Variants in RAPGEF5 observed in about 807,000 individuals in gnomAD.
RAPGEF5 encodes the protein Rap guanine nucleotide exchange factor 5.
Under a neutral mutation model 125.2 loss-of-function variants are expected in RAPGEF5, and 65 were observed. The observed-to-expected ratio is 0.52, with a 90% CI of 0.43 to 0.64. The LOEUF (loss-of-function observed/expected upper bound fraction) is 0.64. Among genes scored for constraint, RAPGEF5 ranks in the 30% least tolerant of loss-of-function variants. The pLI is 0.00. For synonymous variants in RAPGEF5, 391 were observed against 385.9 expected, an observed-to-expected ratio of 1.01 and a Z score of -0.16; for missense variants, 958 against 1,048.1, an observed-to-expected ratio of 0.91 and a Z score of 1.19.
chr7:22,131,552 T>C (rs1782914924), intron 23 of RAPGEF5, among the ~76,000 whole-genome samples: 1 of 152,150 alleles, frequency 6.6e-6, no homozygotes, highest in Non-Finnish European at 1.5e-5. Context: ...AACAACTAGT[T>C]AAGATATAGA....
intron 14 of RAPGEF5, among the ~76,000 whole-genome samples, chr7:22,159,976 G>A (rs1783934352): frequency 6.6e-6 from 1 of 152,014 alleles, no homozygotes; most frequent in African/African-American, 2.4e-5. Context: ...AGGTGTGGTG[G>A]TGCACCTCTG....
At chr7:22,200,311 CAG>C (rs1785247464) in intron 9 of RAPGEF5, among the ~76,000 whole-genome samples, 1 of 151,474 alleles carries the variant, frequency 6.6e-6, no homozygotes, top group Non-Finnish European at 1.5e-5. Context: ...AAAAAGTAAA[CAG>C]ATGTTTTTTA....
chr7:22,271,257 G>C (rs1280509963), intron 6 of RAPGEF5, among the ~76,000 whole-genome samples: 1 of 152,148 alleles, frequency 6.6e-6, no homozygotes, highest in Non-Finnish European at 1.5e-5. Flanking sequence ...GTGCATTGTT[G>C]TTTCCAAGAT....
intron 11 of RAPGEF5, among the ~76,000 whole-genome samples, chr7:22,181,138 C>CT (rs1389396258): frequency 6.6e-6 from 1 of 152,120 alleles, no homozygotes; most frequent in Non-Finnish European, 1.5e-5. Flanking sequence ...TCTGCTCTCT[C>CT]TTTTTTTCTT....
At chr7:22,219,196 C>G (rs1785717175) in intron 9 of RAPGEF5, among the ~76,000 whole-genome samples, 1 of 152,076 alleles carries the variant, frequency 6.6e-6, no homozygotes, top group African/African-American at 2.4e-5. Context: ...CAATGTGTGG[C>G]ACAAGAAAGT....
intron 11 of RAPGEF5, among the ~76,000 whole-genome samples, chr7:22,183,751 G>A (rs1240995177): frequency 6.6e-6 from 1 of 152,162 alleles, no homozygotes; most frequent in Non-Finnish European, 1.5e-5. Flanking sequence ...ACCGTGTGCA[G>A]GAACCTCCAG....
intron 12 of RAPGEF5, among the ~76,000 whole-genome samples, chr7:22,163,819 A>G (rs1333507983): frequency 6.6e-6 from 1 of 152,216 alleles, no homozygotes; most frequent in Admixed American, 6.5e-5. Context: ...GTTGGACAGC[A>G]TTATATATTC....
chr7:22,202,494 T>C (rs369778859), intron 9 of RAPGEF5, among the ~76,000 whole-genome samples: 12 of 152,120 alleles, frequency 7.9e-5, no homozygotes, highest in African/African-American at 7.2e-5. Context: ...TCTGGGACTT[T>C]TAGGCACTAA....
chr7:22,233,245 G>C (rs1346644311), intron 7 of RAPGEF5, among the ~76,000 whole-genome samples: 1 of 152,154 alleles, frequency 6.6e-6, no homozygotes, highest in Admixed American at 6.5e-5. Flanking sequence ...CTGGAATGCA[G>C]AGTAATTTTC....
chr7:22,198,644 T>C (rs1264520925), intron 9 of RAPGEF5, among the ~76,000 whole-genome samples: 1 of 152,104 alleles, frequency 6.6e-6, no homozygotes, highest in African/African-American at 2.4e-5. Flanking sequence ...AACACTGCCA[T>C]ATGCAACAAA....
chr7:22,301,542 G>A (rs963934939), intron 5 of RAPGEF5, among the ~76,000 whole-genome samples: 16 of 151,128 alleles, frequency 1.1e-4, no homozygotes, highest in Admixed American at 2.6e-4. Context: ...GTGAACCCGG[G>A]AGGCGGAGCT....
intron 1 of RAPGEF5, among the ~76,000 whole-genome samples, chr7:22,354,915 G>A (rs1443335970): frequency 6.6e-6 from 1 of 152,198 alleles, no homozygotes; most frequent in Admixed American, 6.5e-5. Flanking sequence ...AGCCTGAGCT[G>A]CCTAAGACAA....
chr7:22,244,222 A>G (rs1042340622), intron 7 of RAPGEF5, among the ~76,000 whole-genome samples: 5 of 152,108 alleles, frequency 3.3e-5, no homozygotes, highest in Admixed American at 1.3e-4. Flanking sequence ...ATATATATAC[A>G]CACACCATAT....
At chr7:22,145,833 C>A (rs1025184594) in intron 19 of RAPGEF5, among the ~76,000 whole-genome samples, 2 of 152,068 alleles carry the variant, frequency 1.3e-5, no homozygotes, top group Admixed American at 1.3e-4. Context: ...CATTGTCAAA[C>A]CATAAAATGC....
chr7:22,118,328 T>A lies in RAPGEF5; in HGVS notation c.*4078A>T, dbSNP rs954624004. On this transcript the variant is annotated 3_prime_UTR_variant, in exon 26 of 26. Coordinates refer to ENST00000665637, the MANE Select transcript of RAPGEF5 (RefSeq NM_012294.5). Reference sequence around the variant, plus strand: ...TAGTGTCTTTAACATAGTCTCATATTTGGAAAAGCAGTTTTAAAAAAAAAT... The same window carrying A: ...TAGTGTCTTTAACATAGTCTCATATATGGAAAAGCAGTTTTAAAAAAAAAT... 4.3e-5 allele frequency: 6 copies of A among 140,532 alleles called. No homozygotes were observed. The highest frequency in any genetic ancestry group is 1.6e-4 in the African/African-American group (6 of 36,542). 8.7% of individuals were successfully genotyped at this position (140,532 alleles called of 1,614,324 possible).
At chr7:22,315,170 C>G (rs551864296) in intron 3 of RAPGEF5, among the ~76,000 whole-genome samples, 200 bp downstream of exon 3, 31 of 152,294 alleles carry the variant, frequency 2.0e-4, no homozygotes, top group African/African-American at 7.2e-4. Flanking sequence ...CATACCCTAA[C>G]TTCAGAACAG....
intron 12 of RAPGEF5, 96 bp downstream of exon 12, chr7:22,166,974 T>C: frequency 3.2e-6 from 3 of 947,648 alleles, no homozygotes; most frequent in Admixed American, 2.1e-5. Flanking sequence ...CATTCTACTA[T>C]GGGGTTGAAT....
intron 11 of RAPGEF5, among the ~76,000 whole-genome samples, chr7:22,173,687 A>T (rs1391971855): frequency 6.6e-6 from 1 of 152,198 alleles, no homozygotes; most frequent in East Asian, 1.9e-4. Context: ...GTTCTTAGCT[A>T]TGCTTAATTC....
Position 22,119,971 on chromosome 7 carries a change from C to T in RAPGEF5, c.*2435G>A, listed in dbSNP as rs533060513. 5.3e-5 allele frequency: 8 copies of T among 152,198 alleles called. No individual in the cohort carries two copies. Among genetic ancestry groups the T allele is most frequent in the South Asian group, 2.1e-4 (1 of 4,836 alleles). 9.4% of individuals were successfully genotyped at this position (152,198 alleles called of 1,614,324 possible). On this transcript the variant is annotated 3_prime_UTR_variant, in exon 26 of 26. Transcript: ENST00000665637. The surrounding 1 kb of genome is among the most constrained non-coding windows in gnomAD (Gnocchi z 4.1). ...TGAGTAATATCTGGTTCTCACAATT[C>T]GGGCTTGAATTCTTTAATTCCAGAT... is the stretch of plus-strand genomic sequence containing the variant.
Sources: allele counts gnomAD v4.1 joint callset (sites outside exome capture counted in the v4.1 genomes callset), GRCh38; gene constraint gnomAD v4.1.1; non-coding constraint Gnocchi (gnomAD v3.1); transcripts MANE v1.5; gene names NCBI Gene and HGNC (gene_info 2026-07-23, HGNC 2026-07-21).